The following RBFOX1 variants were observed in gnomAD, a reference collection of about 807,000 sequenced individuals.
RBFOX1 encodes the protein RNA binding protein fox-1 homolog 1.
Under a neutral mutation model 57.7 loss-of-function variants are expected in RBFOX1, and 8 were observed. The observed-to-expected ratio is 0.14, with a 90% CI of 0.08 to 0.25. The LOEUF is 0.25. RBFOX1 is among the 10% of genes least tolerant of loss of function. The pLI is 1.00. For missense variants in RBFOX1, 611 were observed against 548.5 expected (o/e 1.11, Z -1.14); for synonymous variants, 326 against 222.4 (o/e 1.47, Z -4.15).
intron 2 of RBFOX1, among the ~76,000 whole-genome samples, chr16:6,346,741 T>A (rs140403296): frequency 6.6e-6 from 1 of 152,332 alleles, no homozygotes; most frequent in East Asian, 1.9e-4. Flanking sequence ...GGTTATGATG[T>A]TGGAGCAGAG....
intron 1 of RBFOX1, among the ~76,000 whole-genome samples, chr16:6,119,232 T>A (rs1038842403): frequency 6.6e-6 from 1 of 151,990 alleles, no homozygotes; most frequent in Non-Finnish European, 1.5e-5. Flanking sequence ...TGTTATTAAT[T>A]ATTAATATTA....
chr16:6,829,262 A>T (rs1189067450), intron 3 of RBFOX1, among the ~76,000 whole-genome samples: 2 of 146,500 alleles, frequency 1.4e-5, no homozygotes, highest in African/African-American at 2.5e-5. Context: ...AAAAAAAAAT[A>T]GCATAAAAGG....
intron 1 of RBFOX1, among the ~76,000 whole-genome samples, chr16:5,443,197 G>A (rs561010114): frequency 6.6e-6 from 1 of 152,264 alleles, no homozygotes; most frequent in South Asian, 2.1e-4. Context: ...GTAGTCCCAG[G>A]AGACTAAGCC....
intron 4 of RBFOX1, among the ~76,000 whole-genome samples, chr16:5,893,206 T>G (rs1382088277): frequency 6.6e-6 from 1 of 152,204 alleles, no homozygotes; most frequent in African/African-American, 2.4e-5. Context: ...CATCCTCACA[T>G]AGCTTTGAAT....
intron 3 of RBFOX1, among the ~76,000 whole-genome samples, chr16:7,005,680 C>G (rs1280693740): frequency 1.3e-5 from 2 of 152,152 alleles, no homozygotes; most frequent in Non-Finnish European, 2.9e-5. Flanking sequence ...ATATCAGCAT[C>G]AGACAAGGCC....
At chr16:5,694,487 C>T (rs1220858588) in intron 3 of RBFOX1, among the ~76,000 whole-genome samples, 2 of 152,130 alleles carry the variant, frequency 1.3e-5, no homozygotes, top group East Asian at 1.9e-4. Flanking sequence ...GTAGGCATTT[C>T]TGGGGTGATT....
intron 5 of RBFOX1, among the ~76,000 whole-genome samples, chr16:7,564,572 A>C (rs1264150525): frequency 1.5e-4 from 20 of 136,482 alleles, no homozygotes; most frequent in Admixed American, 3.0e-4. Flanking sequence ...AAAAAAAGGC[A>C]CTCATCTGCA....
At chr16:5,646,233 G>C (rs1180323199) in intron 3 of RBFOX1, among the ~76,000 whole-genome samples, 1 of 142,890 alleles carries the variant, frequency 7.0e-6, no homozygotes, top group East Asian at 2.1e-4. Flanking sequence ...CACCGTGTTA[G>C]CCAGGATGGT....
At chr16:7,168,209 A>G (rs368097140) in intron 4 of RBFOX1, among the ~76,000 whole-genome samples, 4 of 152,316 alleles carry the variant, frequency 2.6e-5, no homozygotes, top group South Asian at 4.1e-4. Flanking sequence ...AAAATGGCTA[A>G]TGGGAATGTG....
Position 7,676,793 on chromosome 16 carries a change from G to A in RBFOX1, c.950G>A (p.Arg317His), listed in dbSNP as rs776698363. Reference sequence around the variant, plus strand: ...TTTTAGGGTGGTTATGCTGCATACCGCTACGCCCAGCCTACCCCTGCCACT... The same window carrying A: ...TTTTAGGGTGGTTATGCTGCATACCACTACGCCCAGCCTACCCCTGCCACT... ...ADIYGGYAAY[R>H]YAQPTPATAA... is the part of the protein sequence containing the mutation. Residue 317 changes from arginine to histidine, a missense_variant, in exon 14 of 16, where the codon CGC becomes CAC. By Grantham distance (29) the Arg-to-His change is conservative. Transcript: ENST00000550418. 7 of 1,613,168 alleles carry A rather than the reference G, an allele frequency of 4.3e-6. No homozygotes were observed. The highest frequency in any genetic ancestry group is 5.9e-6 in the Non-Finnish European group (7 of 1,179,418).
chr16:6,105,619 T>G (rs2096369045), intron 1 of RBFOX1, among the ~76,000 whole-genome samples: 1 of 151,882 alleles, frequency 6.6e-6, no homozygotes, highest in South Asian at 2.1e-4. Flanking sequence ...TTTTATTTTA[T>G]TTTTTTGTTT....
At chr16:6,774,330 C>A (rs1190560648) in intron 3 of RBFOX1, among the ~76,000 whole-genome samples, 1 of 152,094 alleles carries the variant, frequency 6.6e-6, no homozygotes, top group Non-Finnish European at 1.5e-5. Context: ...AGAATGCAGC[C>A]ATTAGGGCTG....
chr16:6,186,532 G>A (rs2097106390), intron 1 of RBFOX1, among the ~76,000 whole-genome samples: 1 of 152,160 alleles, frequency 6.6e-6, no homozygotes, highest in South Asian at 2.1e-4. Context: ...GAGGGGCGGG[G>A]AGGAGTGTGA....
intron 1 of RBFOX1, among the ~76,000 whole-genome samples, chr16:6,263,175 C>T: frequency 6.6e-6 from 1 of 152,114 alleles, no homozygotes; most frequent in East Asian, 1.9e-4. Context: ...GAGAAGATGT[C>T]TTATGGTTCT....
chr16:5,445,102 G>C (rs934863012), intron 1 of RBFOX1, among the ~76,000 whole-genome samples: 2 of 152,192 alleles, frequency 1.3e-5, no homozygotes, highest in Admixed American at 6.5e-5. Context: ...AGGTAGGTGG[G>C]AATGTGGGAG....
At chr16:5,931,155 A>G (rs1459711302) in intron 4 of RBFOX1, among the ~76,000 whole-genome samples, 1 of 152,136 alleles carries the variant, frequency 6.6e-6, no homozygotes, top group Non-Finnish European at 1.5e-5. Context: ...TATTGGCTTC[A>G]TTATTAGGCT....
chr16:6,509,919 T>C (rs538369670), intron 2 of RBFOX1, among the ~76,000 whole-genome samples: 85 of 152,300 alleles, frequency 5.6e-4, no homozygotes, highest in African/African-American at 2.0e-3. Flanking sequence ...TCCCTGATAA[T>C]GCAGGAGACG....
intron 1 of RBFOX1, among the ~76,000 whole-genome samples, chr16:6,291,584 G>A (rs1024276433): frequency 6.6e-6 from 1 of 152,146 alleles, no homozygotes; most frequent in South Asian, 2.1e-4. Flanking sequence ...AAGATGGAAA[G>A]CTACATACCT....
At chr16:5,841,131 G>A (rs781139311) in intron 3 of RBFOX1, among the ~76,000 whole-genome samples, 14 of 152,082 alleles carry the variant, frequency 9.2e-5, no homozygotes, top group East Asian at 3.9e-4. Context: ...CTGGCATTGC[G>A]TCAAACATTT....
Sources: gnomAD v4.1 joint callset for allele counts (sites outside exome capture counted in the v4.1 genomes callset) on GRCh38, gnomAD v4.1.1 for gene constraint, MANE v1.5 for transcripts, NCBI Gene and HGNC (gene_info 2026-07-23, HGNC 2026-07-21) for gene names.